Variants in LRRC37A2 observed in about 807,000 individuals in gnomAD.
The protein encoded by LRRC37A2 is leucine rich repeat containing 37 member A2.
In LRRC37A2, 9 loss-of-function variants were observed where a neutral mutation model predicts 68.8. The observed-to-expected ratio is 0.13, with a 90% CI of 0.08 to 0.23. The LOEUF (loss-of-function observed/expected upper bound fraction) is 0.23, where lower values mean the gene tolerates loss of function less well. Ranked by LOEUF, LRRC37A2 falls within the 10% of genes least tolerant of loss-of-function variation. LRRC37A2 has a pLI of 1.00. For synonymous variants in LRRC37A2, 63 were observed against 367.6 expected, an observed-to-expected ratio of 0.17 and a Z score of 9.48; for missense variants, 168 against 950.4, an observed-to-expected ratio of 0.18 and a Z score of 10.82.
the LRRC37A2 span, among the ~76,000 whole-genome samples, chr17:46,741,922 C>G: frequency 6.6e-6 from 1 of 152,182 alleles, no homozygotes; most frequent in Non-Finnish European, 1.5e-5. Flanking sequence ...TGTGCCACCA[C>G]GCCTGGCTAA....
chr17:47,005,959 T>A, the LRRC37A2 span, among the ~76,000 whole-genome samples: 1 of 152,242 alleles, frequency 6.6e-6, no homozygotes, highest in African/African-American at 2.4e-5. Context: ...AAAATCTTTT[T>A]AATTTATTTT....
the LRRC37A2 span, chr17:46,764,316 T>TA: frequency 6.5e-6 from 1 of 152,738 alleles, no homozygotes; most frequent in South Asian, 2.1e-4. Context: ...TTTTTTCATT[T>TA]TTATTTTCTT....
chr17:46,872,597 A>G, the LRRC37A2 span: 13 of 1,612,084 alleles, frequency 8.1e-6, no homozygotes, highest in Non-Finnish European at 1.0e-5. Context: ...GCCCACCTGA[A>G]GCAGTGTGAC....
At chr17:46,916,755 G>A in the LRRC37A2 span, 1 of 152,148 alleles carries the variant, frequency 6.6e-6, no homozygotes, top group East Asian at 1.9e-4. Context: ...CCACACACTG[G>A]GTAATGTTTA....
At chr17:46,569,439 A>G in the LRRC37A2 span, among the ~76,000 whole-genome samples, 3 of 150,122 alleles carry the variant, frequency 2.0e-5, no homozygotes, top group Admixed American at 1.3e-4. Flanking sequence ...CAAAATGCTT[A>G]TAACTGTTGA....
At chr17:46,691,881 T>C in the LRRC37A2 span, among the ~76,000 whole-genome samples, 7 of 150,948 alleles carry the variant, frequency 4.6e-5, no homozygotes, top group African/African-American at 9.8e-5. Flanking sequence ...GCCTCCAGAG[T>C]AGCTGGGATT....
chr17:46,871,442 C>G, the LRRC37A2 span, among the ~76,000 whole-genome samples: 1 of 152,202 alleles, frequency 6.6e-6, no homozygotes, highest in African/African-American at 2.4e-5. Flanking sequence ...CCAGTCCAGT[C>G]ACTGCCCCCT....
At chr17:47,019,636 C>T in the LRRC37A2 span, 4 of 1,429,726 alleles carry the variant, frequency 2.8e-6, no homozygotes, top group South Asian at 4.6e-5. Context: ...CAAGATAAGG[C>T]TTTAACTGCA....
chr17:46,866,119 C>T, the LRRC37A2 span, among the ~76,000 whole-genome samples: 5 of 152,042 alleles, frequency 3.3e-5, no homozygotes, highest in Admixed American at 3.3e-4. Flanking sequence ...GAGAAAGGCA[C>T]CTGGAAGGTA....
chr17:46,963,647 T>G, the LRRC37A2 span: 2 of 152,330 alleles, frequency 1.3e-5, no homozygotes, highest in East Asian at 3.9e-4. Context: ...CAGTTGTCAC[T>G]TGAGAAAATG....
the LRRC37A2 span, among the ~76,000 whole-genome samples, chr17:46,863,817 C>A: frequency 6.6e-6 from 1 of 152,066 alleles, no homozygotes; most frequent in Non-Finnish European, 1.5e-5. Context: ...TTAGGACAGT[C>A]CTAGTGGTTC....
At chr17:46,769,996 G>A in the LRRC37A2 span, 17 of 1,603,072 alleles carry the variant, frequency 1.1e-5, no homozygotes, top group Non-Finnish European at 1.3e-5. Flanking sequence ...GGGTGACGGC[G>A]AAGGCCACGC....
the LRRC37A2 span, among the ~76,000 whole-genome samples, chr17:46,918,953 T>C: frequency 6.6e-6 from 1 of 152,244 alleles, no homozygotes; most frequent in Non-Finnish European, 1.5e-5. Flanking sequence ...TCATCTCCTC[T>C]TTGAATCTCT....
At chr17:46,539,525 G>T (rs2054882810) in intron 6 of LRRC37A2, among the ~76,000 whole-genome samples, 1 of 150,824 alleles carries the variant, frequency 6.6e-6, no homozygotes, top group African/African-American at 2.5e-5. Flanking sequence ...CAGTTTGGGA[G>T]GCTGAGGCAG....
chr17:46,745,214 G>A, the LRRC37A2 span, among the ~76,000 whole-genome samples: 3 of 152,284 alleles, frequency 2.0e-5, no homozygotes, highest in Admixed American at 1.3e-4. Flanking sequence ...CGAATCCCAT[G>A]CAATGTATCA....
the LRRC37A2 span, among the ~76,000 whole-genome samples, chr17:46,828,074 C>A: frequency 6.6e-6 from 1 of 152,142 alleles, no homozygotes; most frequent in Non-Finnish European, 1.5e-5. Context: ...GATCCGCCCA[C>A]CTCGGCCTAT....
chr17:46,605,600 G>T, the LRRC37A2 span, among the ~76,000 whole-genome samples: 1 of 66,466 alleles, frequency 1.5e-5, no homozygotes, highest in Non-Finnish European at 2.8e-5. Context: ...ACCAAGAATT[G>T]TATATCTTGT....
At chr17:46,839,374 C>T in the LRRC37A2 span, among the ~76,000 whole-genome samples, 2 of 152,198 alleles carry the variant, frequency 1.3e-5, no homozygotes, top group African/African-American at 4.8e-5. Context: ...CCTGGCGGGT[C>T]CAGGCAGCAC....
chr17:46,939,227 T>C, the LRRC37A2 span: 2 of 1,058,802 alleles, frequency 1.9e-6, no homozygotes, highest in Non-Finnish European at 1.1e-6. Flanking sequence ...TATTAAATAG[T>C]AGGTCGATTC....
Sources: allele counts gnomAD v4.1 joint callset (sites outside exome capture counted in the v4.1 genomes callset), GRCh38; gene constraint gnomAD v4.1.1; transcripts MANE v1.5; gene names NCBI Gene and HGNC (gene_info 2026-07-23, HGNC 2026-07-21).